The following MED15 variants were observed in gnomAD, a reference collection of about 807,000 sequenced individuals.
MED15 encodes the protein mediator of RNA polymerase II transcription subunit 15.
In MED15, 41 loss-of-function variants were observed where a neutral mutation model predicts 118.7. The ratio of observed to expected loss-of-function variants is 0.35; its 90% CI spans 0.27 to 0.45. The LOEUF is 0.45. Among genes scored for constraint, MED15 ranks in the 20% least tolerant of loss-of-function variants. The probability of loss-of-function intolerance (pLI) is 1.00; values close to 1 mark genes in which losing one functional copy is unlikely to be tolerated. For synonymous variants in MED15, 436 were observed against 413.9 expected (o/e 1.05, Z -0.65); for missense variants, 740 against 1,025.5 (o/e 0.72, Z 3.80).
chr22:20,530,581 G>C (rs2054815231), intron 1 of MED15, among the ~76,000 whole-genome samples: 1 of 152,048 alleles, frequency 6.6e-6, no homozygotes, highest in Non-Finnish European at 1.5e-5. Flanking sequence ...GTGTGGCAGG[G>C]GGAGCAGTGG....
Position 20,521,676 on chromosome 22 carries a change from G to A in MED15, c.68+13930G>A, listed in dbSNP as rs138837242. Among the ~76,000 whole-genome samples, 801 of 151,110 alleles carry A rather than the reference G, an allele frequency of 5.3e-3. 5 individuals carry two copies. Among genetic ancestry groups the A allele is most frequent in the African/African-American group, 0.018 (748 of 41,086 alleles). The stretch of plus-strand genomic sequence containing the variant: ...CTCCCAAAATGCTGGGATTACAGGC[G>A]TGAGCCACTGCGCCTGGCCTTATTT... On this transcript the variant is annotated intron_variant, in intron 1 of 17. Coordinates refer to ENST00000263205, the MANE Select transcript of MED15 (RefSeq NM_001003891.3).
At chr22:20,528,219 C>T (rs1028970638) in intron 1 of MED15, among the ~76,000 whole-genome samples, 9 of 152,122 alleles carry the variant, frequency 5.9e-5, no homozygotes, top group East Asian at 3.9e-4. Context: ...TCTTCCAGCA[C>T]GTGGAGCTTG....
intron 3 of MED15, chr22:20,551,734 C>T (rs193089477): frequency 1.8e-4 from 100 of 554,050 alleles, no homozygotes; most frequent in African/African-American, 1.5e-3. Flanking sequence ...GTGGTCTAAA[C>T]GGGTTGCTGC....
At chr22:20,541,816 A>AT (rs2055326316) in intron 2 of MED15, among the ~76,000 whole-genome samples, 1 of 152,040 alleles carries the variant, frequency 6.6e-6, no homozygotes, top group South Asian at 2.1e-4. Context: ...TGCCCAGCTA[A>AT]TTTTTGTATT....
intron 1 of MED15, among the ~76,000 whole-genome samples, chr22:20,517,976 G>A (rs759107148): frequency 2.1e-5 from 3 of 144,582 alleles, no homozygotes; most frequent in African/African-American, 5.2e-5. Context: ...GCTCATTGCC[G>A]CATCATTGTC....
At chr22:20,539,763 G>A (rs1027864585) in intron 2 of MED15, among the ~76,000 whole-genome samples, 25 of 152,078 alleles carry the variant, frequency 1.6e-4, no homozygotes, top group Non-Finnish European at 2.9e-4. Flanking sequence ...TATTTTAATT[G>A]TAGCCATTAT....
At chr22:20,560,593 C>T (rs2056199182) in intron 5 of MED15, among the ~76,000 whole-genome samples, 1 of 152,018 alleles carries the variant, frequency 6.6e-6, no homozygotes, top group African/African-American at 2.4e-5. Context: ...CTAGGGTCTC[C>T]TTATGTTGCC....
At chr22:20,555,232 GA>G in intron 5 of MED15, 84 bp downstream of exon 5, 1 of 1,319,264 alleles carries the variant, frequency 7.6e-7, no homozygotes, top group Non-Finnish European at 1.0e-6. Context: ...ATGGTATCAA[GA>G]AAAGCATGGA....
At chr22:20,567,845 C>T (rs1330348654) in intron 7 of MED15, among the ~76,000 whole-genome samples, 1 of 152,128 alleles carries the variant, frequency 6.6e-6, no homozygotes, top group Non-Finnish European at 1.5e-5. Flanking sequence ...CCCCTTTTGC[C>T]CAAGTTTGCC....
rs117375456 is a variant in MED15, at chr22:20,533,336, A to G, written c.69-3781A>G. Among the ~76,000 whole-genome samples, 33 of 152,302 alleles carry G rather than the reference A, an allele frequency of 2.2e-4. No homozygotes were observed. The East Asian group carries it at 4.2e-3, about 20-fold the overall frequency. On this transcript the variant is annotated intron_variant, in intron 1 of 17. Coordinates refer to ENST00000263205, the MANE Select transcript of MED15 (RefSeq NM_001003891.3). Reference sequence around the variant, plus strand: ...AGGCATCTGCAGGGAAGTGTGGGGGATTAGCTGCAGAGTTCCTGGGTTCTT... The same window carrying G: ...AGGCATCTGCAGGGAAGTGTGGGGGGTTAGCTGCAGAGTTCCTGGGTTCTT...
At chr22:20,560,402 C>T (rs147303132) in intron 5 of MED15, among the ~76,000 whole-genome samples, 6,521 of 152,168 alleles carry the variant, frequency 0.043, 226 homozygotes, top group Non-Finnish European at 0.06. Flanking sequence ...GTAGCTGGGA[C>T]TACAGGCGCG....
chr22:20,548,944 T>C (rs1263358004), intron 2 of MED15, among the ~76,000 whole-genome samples: 1 of 152,158 alleles, frequency 6.6e-6, no homozygotes, highest in Non-Finnish European at 1.5e-5. Flanking sequence ...TGGCGTGTGC[T>C]ACCACACCAG....
Position 20,507,699 on chromosome 22 carries a change from G to A in MED15, c.21G>A (p.Glu7=). ...CAGGCATGGACGTTTCCGGGCAAGAGACCGACTGGCGGAGCACCGCCTTCC... is the reference window on the plus strand; with the variant it reads ...CAGGCATGGACGTTTCCGGGCAAGAAACCGACTGGCGGAGCACCGCCTTCC... MDVSGQ[E]TDWRSTAFRQ... The change falls in exon 1 of 18, where the codon GAG becomes GAA. Residue 7 remains glutamate, a synonymous_variant. Coordinates refer to ENST00000263205, the MANE Select transcript of MED15 (RefSeq NM_001003891.3). The A allele has an allele frequency of 1.2e-6, 2 of 1,614,100 alleles. No homozygotes were observed. The highest frequency in any genetic ancestry group is 1.7e-6 in the Non-Finnish European group (2 of 1,179,948).
intron 8 of MED15, chr22:20,573,846 C>T (rs1334393722): frequency 1.3e-5 from 2 of 152,234 alleles, no homozygotes; most frequent in Non-Finnish European, 1.5e-5. Context: ...CGGGCTCCTC[C>T]GAAGTGCCGC....
At chr22:20,551,303 C>T (rs1467863349) in intron 2 of MED15, 133 bp from the exon 3 acceptor site, 2 of 848,116 alleles carry the variant, frequency 2.4e-6, no homozygotes, top group African/African-American at 1.7e-5. Context: ...CCAGAGGAGG[C>T]CGAGCAAGCG....
rs544150823 is a variant in MED15 at position 20,586,852 on chromosome 22, A to C, written c.*148A>C. 53 of 1,231,826 alleles carry C rather than the reference A, an allele frequency of 4.3e-5. No homozygotes were observed. The East Asian group carries it at 1.2e-3, about 27-fold the overall frequency. 76.3% of individuals were successfully genotyped at this position (1,231,826 alleles called of 1,614,324 possible). A position where few individuals can be genotyped will look rare whatever the true frequency, so the allele number is the denominator to read the frequency against. ...TTCTGCCTTGGGGACCTGCCAAACG[A>C]AATCCCACACCTGTACAGAACTGGG... On this transcript the variant is annotated 3_prime_UTR_variant, in exon 18 of 18. Transcript: ENST00000263205.
chr22:20,527,353 T>C (rs2054682791), intron 1 of MED15, among the ~76,000 whole-genome samples: 1 of 152,158 alleles, frequency 6.6e-6, no homozygotes, highest in Non-Finnish European at 1.5e-5. Context: ...TCCTTCTTTT[T>C]CCTTTTTTGT....
intron 1 of MED15, among the ~76,000 whole-genome samples, chr22:20,513,656 T>C (rs879739201): frequency 1.3e-5 from 2 of 151,948 alleles, no homozygotes; most frequent in African/African-American, 4.8e-5. Flanking sequence ...AAGGGAAAAA[T>C]GAAGAGACCT....
intron 6 of MED15, among the ~76,000 whole-genome samples, chr22:20,565,023 G>T (rs974603004): frequency 6.6e-6 from 1 of 152,244 alleles, no homozygotes; most frequent in Non-Finnish European, 1.5e-5. Context: ...TATTTGAGAG[G>T]CTGAGGCAGG....
Sources: allele counts gnomAD v4.1 joint callset (sites outside exome capture counted in the v4.1 genomes callset), GRCh38; gene constraint gnomAD v4.1.1; transcripts MANE v1.5; gene names NCBI Gene and HGNC (gene_info 2026-07-23, HGNC 2026-07-21).